KIF1A: variants seen among roughly 807,000 people sequenced by gnomAD.
The protein encoded by KIF1A is kinesin-like protein KIF1A.
In KIF1A, 46 loss-of-function variants were observed where a neutral mutation model predicts 227.3. That is an observed-to-expected ratio of 0.20 (90% confidence interval 0.16 to 0.26). KIF1A has a LOEUF of 0.26. KIF1A is among the 10% of genes least tolerant of loss of function. KIF1A has a pLI of 1.00. For synonymous variants in KIF1A, 1,022 were observed against 1,012.8 expected (o/e 1.01, Z -0.17); for missense variants, 1,683 against 2,485.9 (o/e 0.68, Z 6.87).
At chr2:240,809,668 A>ATTTTTTTTTT (rs59491347) in intron 1 of KIF1A, among the ~76,000 whole-genome samples, 1 of 140,358 alleles carries the variant, frequency 7.1e-6, no homozygotes, top group African/African-American at 2.7e-5. Context: ...TAGGGAAGGA[A>ATTTTTTTTTT]TTTTTTTTTT....
At position 240,789,110 on chromosome 2, in the gene KIF1A, G is replaced by C; in HGVS notation, c.183+126C>G. On this transcript the variant is annotated intron_variant, in intron 3 of 48. Transcript: ENST00000498729. This position sits in a 1 kb window ranked among gnomAD's most constrained non-coding sequence, Gnocchi z 4.8. ...GACCGCTCAGGGTGACCTTCCAGGG[G>C]AGCAGGGTGGGGTCCTCGCCCCAGT... is the stretch of plus-strand genomic sequence containing the variant. 1 of 737,264 alleles carries C rather than the reference G, an allele frequency of 1.4e-6. No individual in the cohort carries two copies. Among genetic ancestry groups the C allele is most frequent in the Non-Finnish European group, 2.3e-6 (1 of 428,386 alleles). The allele number at this position is 737,264 out of a possible 1,614,324, so 45.7% of individuals were successfully genotyped here. A position where few individuals can be genotyped will look rare whatever the true frequency, so the allele number is the denominator to read the frequency against.
intron 27 of KIF1A, among the ~76,000 whole-genome samples, chr2:240,753,942 G>T (rs575781450): frequency 2.8e-4 from 43 of 152,278 alleles, no homozygotes; most frequent in African/African-American, 9.4e-4. Flanking sequence ...TAGGGCCAGG[G>T]TTGGCTTCCA....
At chr2:240,746,216 C>T (rs1340794001) in intron 29 of KIF1A, 39 bp from the exon 30 acceptor site, 4 of 1,546,910 alleles carry the variant, frequency 2.6e-6, no homozygotes, top group African/African-American at 2.7e-5. Context: ...GAGCCAGGAG[C>T]CAGCCGAGGA....
rs116538997 is a variant in KIF1A, at chr2:240,720,414, G to A, written c.4869-488C>T. The stretch of plus-strand genomic sequence containing the variant: ...CCTGCAGAAGACAAGGCCAGCTGAT[G>A]CCACCGTCTTTCTTATTTAAATGAA... On this transcript the variant is annotated intron_variant, in intron 45 of 48. Coordinates refer to ENST00000498729, the MANE Select transcript of KIF1A (RefSeq NM_001244008.2). The A allele has an allele frequency of 1.9e-3, 303 of 159,026 alleles. 2 individuals carry two copies. The highest frequency in any genetic ancestry group is 3.3e-3 in the Non-Finnish European group (237 of 72,572). 9.9% of individuals were successfully genotyped at this position (159,026 alleles called of 1,614,324 possible). A position where few individuals can be genotyped will look rare whatever the true frequency, so the allele number is the denominator to read the frequency against.
Position 240,720,904 on chromosome 2 carries a change from G to A in KIF1A, c.4868+10C>T. On this transcript the variant is annotated intron_variant, in intron 45 of 48. Transcript: ENST00000498729. Reference sequence around the variant, plus strand: ...CCAGAAGCCACTCCGGGAGCCTGGAGCTCACTCACCTCAGGTCAGTGGCAC... The same window carrying A: ...CCAGAAGCCACTCCGGGAGCCTGGAACTCACTCACCTCAGGTCAGTGGCAC... 6.4e-7 allele frequency: 1 copy of A among 1,552,096 alleles called. No homozygotes were observed. The highest frequency in any genetic ancestry group is 8.7e-7 in the Non-Finnish European group (1 of 1,143,176).
rs554037785 is a variant in KIF1A at position 240,741,217 on chromosome 2, C to T, written c.3749+52G>A. 7.6e-5 allele frequency: 98 copies of T among 1,285,204 alleles called. 2 individuals carry two copies. Among genetic ancestry groups the T allele is most frequent in the South Asian group, 2.3e-4 (18 of 77,878 alleles). The allele number at this position is 1,285,204 out of a possible 1,614,324, so 79.6% of individuals were successfully genotyped here. A position where few individuals can be genotyped will look rare whatever the true frequency, so the allele number is the denominator to read the frequency against. On this transcript the variant is annotated intron_variant, in intron 35 of 48. Coordinates refer to ENST00000498729, the MANE Select transcript of KIF1A (RefSeq NM_001244008.2). ...CAGCTCAAGTCCTCGTCCCTCTCCGCGCACCCCCCGACACACACTCACGCC... is the reference window on the plus strand; with the variant it reads ...CAGCTCAAGTCCTCGTCCCTCTCCGTGCACCCCCCGACACACACTCACGCC...
chr2:240,810,169 A>G (rs1243123362), intron 1 of KIF1A, among the ~76,000 whole-genome samples: 2 of 152,176 alleles, frequency 1.3e-5, no homozygotes, highest in Non-Finnish European at 2.9e-5. Flanking sequence ...GTATCAAAAG[A>G]TATCACTAAA....
At chr2:240,782,766 T>C (rs1310058697) in intron 9 of KIF1A, among the ~76,000 whole-genome samples, 159 bp from the exon 10 acceptor site, 1 of 152,040 alleles carries the variant, frequency 6.6e-6, no homozygotes, top group African/African-American at 2.4e-5. Flanking sequence ...GCAGGGTCCC[T>C]CCAGGGCCGC....
At chr2:240,787,422 T>C in intron 4 of KIF1A, 106 bp from the exon 5 acceptor site, 2 of 932,604 alleles carry the variant, frequency 2.1e-6, no homozygotes, top group Non-Finnish European at 3.5e-6. Flanking sequence ...ATCCACCCTC[T>C]CAGGCCCCTC....
chr2:240,786,542 C>T (rs770870354), intron 5 of KIF1A, 29 bp from the exon 6 acceptor site: 2 of 1,604,150 alleles, frequency 1.2e-6, no homozygotes, highest in Non-Finnish European at 8.5e-7. Context: ...CCATCAGGGG[C>T]CCCTGAGGCG....
intron 10 of KIF1A, among the ~76,000 whole-genome samples, chr2:240,780,665 T>TC (rs2053543328): frequency 6.6e-6 from 1 of 151,684 alleles, no homozygotes; most frequent in Non-Finnish European, 1.5e-5. Context: ...TTCCTCGGGT[T>TC]CCCACCACGG....
chr2:240,816,936 G>A (rs1411400663), intron 1 of KIF1A, among the ~76,000 whole-genome samples: 1 of 152,222 alleles, frequency 6.6e-6, no homozygotes, highest in African/African-American at 2.4e-5. Context: ...CTGTTCCCTG[G>A]GTTCTTGAGG....
Position 240,778,511 on chromosome 2 carries a change from T to TACACACACACACACACACACAC in KIF1A, c.883-2607_883-2586dup, listed in dbSNP as rs60462300. On this transcript the variant is annotated intron_variant, in intron 10 of 48. Coordinates refer to ENST00000498729, the MANE Select transcript of KIF1A (RefSeq NM_001244008.2). This position sits in a 1 kb window ranked among gnomAD's most constrained non-coding sequence, Gnocchi z 7.2. ...GGCGCTCGCAGCTCCCGCACAGCGT[T>TACACACACACACACACACACAC]ACACACACACACACACACACACACA... 0.017 allele frequency among the ~76,000 whole-genome samples: 2,261 copies of TACACACACACACACACACACAC among 134,080 alleles called. 47 individuals are homozygous for TACACACACACACACACACACAC. Among genetic ancestry groups the TACACACACACACACACACACAC allele is most frequent in the African/African-American group, 0.025 (810 of 32,928 alleles). The allele number at this position is 134,080 out of a possible 152,430, so 88.0% of individuals were successfully genotyped here.
rs2050443995 is a variant in KIF1A, at chr2:240,760,955, G to C, written c.2266-112C>G. ...GATTTCAGCTGCCTGCCCCACAATG[G>C]TTCACTGGAACCTTTCAGACAGCCG... On this transcript the variant is annotated intron_variant, in intron 24 of 48. Transcript: ENST00000498729. 5 of 1,120,774 alleles carry C rather than the reference G, an allele frequency of 4.5e-6. No individual in the cohort carries two copies. The South Asian group carries it at 6.3e-5, about 14-fold the overall frequency. The allele number at this position is 1,120,774 out of a possible 1,614,324, so 69.4% of individuals were successfully genotyped here.
At chr2:240,773,034 G>C (rs977754702) in intron 13 of KIF1A, 80 bp downstream of exon 13, 2 of 1,436,610 alleles carry the variant, frequency 1.4e-6, no homozygotes, top group Non-Finnish European at 1.9e-6. Context: ...GGCCCCAGGA[G>C]AGAGGATGTG....
At chr2:240,780,231 C>G (rs1482230763) in intron 10 of KIF1A, among the ~76,000 whole-genome samples, 1 of 152,012 alleles carries the variant, frequency 6.6e-6, no homozygotes, top group Non-Finnish European at 1.5e-5. Flanking sequence ...AGCCCAGCAC[C>G]GCTCCCCGAG....
In KIF1A at chr2:240,778,956, C is replaced by T. The variant is rs1298160743; in HGVS notation, c.883-3030G>A. Among the ~76,000 whole-genome samples the T allele has an allele frequency of 6.6e-6, 1 of 151,902 alleles. No homozygotes were observed. The highest frequency in any genetic ancestry group is 1.5e-5 in the Non-Finnish European group (1 of 67,982). On this transcript the variant is annotated intron_variant, in intron 10 of 48. Transcript: ENST00000498729. The surrounding 1 kb of genome is among the most constrained non-coding windows in gnomAD (Gnocchi z 7.2). ...GTGTGCACCCCGTTCCTACACACAG[C>T]GCTCCACACGGCTCCTCACGGGTCC... is the stretch of plus-strand genomic sequence containing the variant.
intron 14 of KIF1A, among the ~76,000 whole-genome samples, chr2:240,771,966 T>C (rs2052060730): frequency 6.6e-6 from 1 of 151,944 alleles, no homozygotes; most frequent in Admixed American, 6.6e-5. Flanking sequence ...GTGGGGGAAG[T>C]GGAGGGCGCC....
rs753129112 is a variant in KIF1A at position 240,718,133 on chromosome 2, G to T, written c.5250C>A (p.Arg1750=). The change falls in exon 48 of 49, where the codon CGC becomes CGA. Residue 1750 remains arginine (R), a synonymous_variant. Coordinates refer to ENST00000498729, the MANE Select transcript of KIF1A (RefSeq NM_001244008.2). ...CGCTGGCGGCCTGCAGCAGGATGCC[G>T]CGGTGTTCCGTGCACACCGCGAATG... is the stretch of plus-strand genomic sequence containing the variant. The part of the protein sequence containing the change: ...PNTFAVCTEH[R]GILLQAASDK... The T allele has an allele frequency of 3.1e-6, 5 of 1,609,650 alleles. No homozygotes were observed. The South Asian group carries it at 4.4e-5, about 14-fold the overall frequency.
Sources: allele counts gnomAD v4.1 joint callset (sites outside exome capture counted in the v4.1 genomes callset), GRCh38; gene constraint gnomAD v4.1.1; non-coding constraint Gnocchi (gnomAD v3.1); transcripts MANE v1.5; gene names NCBI Gene and HGNC (gene_info 2026-07-23, HGNC 2026-07-21).